The following SLC35F4 variants were observed in gnomAD, a reference collection of about 807,000 sequenced individuals.
SLC35F4 encodes solute carrier family 35 member F4.
A neutral mutation model predicts 44.2 loss-of-function variants in SLC35F4; 24 were observed. The ratio of observed to expected loss-of-function variants is 0.54; its 90% CI spans 0.39 to 0.76. The LOEUF (loss-of-function observed/expected upper bound fraction) is 0.76. Ranked by LOEUF, SLC35F4 falls within the 30% of genes least tolerant of loss-of-function variation. The probability of loss-of-function intolerance (pLI) is 0.00; values close to 1 mark genes in which losing one functional copy is unlikely to be tolerated. For missense variants in SLC35F4, 562 were observed against 586.1 expected, an observed-to-expected ratio of 0.96 and a Z score of 0.42; for synonymous variants, 238 against 223.6, an observed-to-expected ratio of 1.06 and a Z score of -0.57.
At chr14:57,945,439 A>ATGTGCGTG (rs1890007615) in intron 1 of SLC35F4, among the ~76,000 whole-genome samples, 1 of 104,690 alleles carries the variant, frequency 9.6e-6, no homozygotes, top group Non-Finnish European at 1.8e-5. Context: ...AGCAATGATA[A>ATGTGCGTG]TGTGTGTGTG....
intron 3 of SLC35F4, among the ~76,000 whole-genome samples, chr14:57,586,717 C>CAAAAA (rs543963927): frequency 6.4e-4 from 8 of 12,490 alleles, no homozygotes; most frequent in African/African-American, 1.0e-3. Context: ...GACTCTGTCT[C>CAAAAA]AAAAAAAAAA....
chr14:57,617,348 T>A (rs1745704), intron 1 of SLC35F4, among the ~76,000 whole-genome samples: 1 of 152,084 alleles, frequency 6.6e-6, no homozygotes, highest in South Asian at 2.1e-4. Flanking sequence ...GCCAGGATGG[T>A]CTCGATCTCC....
At chr14:57,687,981 A>G (rs1246224992) in intron 1 of SLC35F4, among the ~76,000 whole-genome samples, 2 of 152,202 alleles carry the variant, frequency 1.3e-5, no homozygotes, top group African/African-American at 4.8e-5. Context: ...ATCAATATGG[A>G]CTTGCTTCCA....
chr14:57,645,164 A>G (rs1231853663), intron 1 of SLC35F4, among the ~76,000 whole-genome samples: 1 of 152,170 alleles, frequency 6.6e-6, no homozygotes, highest in South Asian at 2.1e-4. Flanking sequence ...GAACAAAGTC[A>G]TTGGTAGCTT....
chr14:57,632,991 A>G (rs2072856364), intron 1 of SLC35F4, among the ~76,000 whole-genome samples: 1 of 152,110 alleles, frequency 6.6e-6, no homozygotes, highest in African/African-American at 2.4e-5. Flanking sequence ...CATGCAGTAT[A>G]TAGACTTCTC....
In SLC35F4 at chr14:57,649,597, G is replaced by A. The variant is rs115766420; in HGVS notation, c.104-55473C>T. 5.1e-3 allele frequency among the ~76,000 whole-genome samples: 774 copies of A among 152,252 alleles called. 6 individuals carry two copies. The highest frequency in any genetic ancestry group is 0.017 in the African/African-American group (721 of 41,528). On this transcript the variant is annotated intron_variant, in intron 1 of 7. Transcript: ENST00000556826. ...TGCTATGTAAGGTAACACGTCCACA[G>A]GTTTAGGGGATTCCAATGTGGCATC... is the stretch of plus-strand genomic sequence containing the variant.
At chr14:57,915,275 G>A (rs184203308) in intron 1 of SLC35F4, among the ~76,000 whole-genome samples, 25 of 152,218 alleles carry the variant, frequency 1.6e-4, no homozygotes, top group Admixed American at 1.2e-3. Flanking sequence ...GGGCACTCTC[G>A]AAGATCTTTC....
chr14:57,666,632 G>C (rs2074317927), intron 1 of SLC35F4, among the ~76,000 whole-genome samples: 1 of 151,856 alleles, frequency 6.6e-6, no homozygotes, highest in Non-Finnish European at 1.5e-5. Context: ...AAGCCACTAG[G>C]TTTGTGATAA....
At chr14:57,978,146 A>T (rs1881272955) in intron 1 of SLC35F4, among the ~76,000 whole-genome samples, 1 of 152,152 alleles carries the variant, frequency 6.6e-6, no homozygotes, top group African/African-American at 2.4e-5. Flanking sequence ...TCTCTGTGGG[A>T]CCAAAAGGAT....
Position 57,978,282 on chromosome 14 carries a change from G to T in SLC35F4, n.152-1325C>A, listed in dbSNP as rs78710655. Among the ~76,000 whole-genome samples, 1,518 of 152,226 alleles carry T rather than the reference G, an allele frequency of 1.0e-2. 24 individuals are homozygous for T. Among genetic ancestry groups the T allele is most frequent in the African/African-American group, 0.035 (1,450 of 41,526 alleles). On this transcript the variant is annotated intron_variant and non_coding_transcript_variant, in intron 1 of 1. Transcript: ENST00000554648. ...TCAGAGACAGGTCAACCACCTCATG[G>T]CATGGGACCACTTCTACTCTGAAGA...
chr14:57,802,689 C>G (rs2078218962), intron 1 of SLC35F4, among the ~76,000 whole-genome samples: 1 of 152,144 alleles, frequency 6.6e-6, no homozygotes, highest in South Asian at 2.1e-4. Flanking sequence ...GTAAATACTT[C>G]TATGCACATA....
At chr14:57,898,313 T>C (rs150537677) in intron 1 of SLC35F4, among the ~76,000 whole-genome samples, 7 of 152,392 alleles carry the variant, frequency 4.6e-5, no homozygotes, top group Non-Finnish European at 1.0e-4. Context: ...ACCACATCAG[T>C]GTGCTTGAAA....
intron 1 of SLC35F4, among the ~76,000 whole-genome samples, chr14:57,773,581 T>C (rs758682589): frequency 1.3e-5 from 2 of 152,128 alleles, no homozygotes; most frequent in Non-Finnish European, 2.9e-5. Flanking sequence ...ACTTTTCCAG[T>C]GTAGATCCTG....
At chr14:57,581,502 G>T in intron 3 of SLC35F4, 69 bp from the exon 4 acceptor site, 1 of 1,387,842 alleles carries the variant, frequency 7.2e-7, no homozygotes, top group Non-Finnish European at 9.8e-7. Flanking sequence ...CTGACTCATC[G>T]CAGCCATTTT....
At chr14:57,791,291 A>G (rs1437732283) in intron 1 of SLC35F4, among the ~76,000 whole-genome samples, 1 of 152,234 alleles carries the variant, frequency 6.6e-6, no homozygotes. Flanking sequence ...TTTACAAGAA[A>G]AAAAACAAAC....
chr14:57,911,046 G>C (rs1179945393), intron 1 of SLC35F4, among the ~76,000 whole-genome samples: 1 of 151,932 alleles, frequency 6.6e-6, no homozygotes, highest in Non-Finnish European at 1.5e-5. Context: ...AAATTGTAAT[G>C]TGTTTTAATT....
At chr14:57,757,309 G>C (rs1255153208) in intron 1 of SLC35F4, among the ~76,000 whole-genome samples, 2 of 152,218 alleles carry the variant, frequency 1.3e-5, no homozygotes, top group African/African-American at 2.4e-5. Context: ...CAGGTTTCCT[G>C]TAACAGCATT....
intron 4 of SLC35F4, chr14:57,580,999 G>A: frequency 5.0e-6 from 2 of 399,194 alleles, no homozygotes; most frequent in South Asian, 1.9e-4. Flanking sequence ...CCTCCTGTTG[G>A]AATGAGCTCA....
At chr14:57,819,719 AG>A (rs2140907398) in intron 1 of SLC35F4, among the ~76,000 whole-genome samples, 2 of 151,682 alleles carry the variant, frequency 1.3e-5, no homozygotes, top group South Asian at 4.2e-4. Flanking sequence ...AGGCTGAGGC[AG>A]GAGAATTGTT....
Sources: allele counts gnomAD v4.1 joint callset (sites outside exome capture counted in the v4.1 genomes callset), GRCh38; gene constraint gnomAD v4.1.1; transcripts MANE v1.5; gene names NCBI Gene and HGNC (gene_info 2026-07-23, HGNC 2026-07-21).